The following DGKB variants were observed in gnomAD, a reference collection of about 807,000 sequenced individuals.
DGKB encodes 90 kDa diacylglycerol kinase.
In DGKB, 67 loss-of-function variants were observed where a neutral mutation model predicts 114.3. The ratio of observed to expected loss-of-function variants is 0.59; its 90% confidence interval spans 0.48 to 0.72. The LOEUF is 0.72. DGKB is among the 30% of genes least tolerant of loss of function. The pLI, the probability that DGKB is intolerant of heterozygous loss-of-function variation, is 0.00. For missense variants in DGKB, 907 were observed against 975.2 expected (o/e 0.93, Z 0.93); for synonymous variants, 398 against 323.1 (o/e 1.23, Z -2.49).
chr7:14,183,289 T>G (rs1050230388), intron 23 of DGKB, among the ~76,000 whole-genome samples: 29 of 152,340 alleles, frequency 1.9e-4, no homozygotes, highest in African/African-American at 6.3e-4. Context: ...TACTTCTAAT[T>G]GATTCTTAAT....
At chr7:14,594,958 A>G (rs945384688) in intron 17 of DGKB, among the ~76,000 whole-genome samples, 1 of 152,100 alleles carries the variant, frequency 6.6e-6, no homozygotes, top group African/African-American at 2.4e-5. Context: ...GATTCAAAAC[A>G]AGGTAGAATT....
chr7:14,442,102 A>G (rs1328346226), intron 21 of DGKB, among the ~76,000 whole-genome samples: 4 of 152,034 alleles, frequency 2.6e-5, no homozygotes, highest in African/African-American at 7.2e-5. Flanking sequence ...TTTGTAACAA[A>G]TTTAAATTTG....
At chr7:14,912,703 C>T (rs1384904388) in intron 1 of DGKB, among the ~76,000 whole-genome samples, 2 of 152,108 alleles carry the variant, frequency 1.3e-5, no homozygotes, top group African/African-American at 4.8e-5. Context: ...TAAATATTGT[C>T]GTGAAAATCT....
At chr7:14,169,000 T>C (rs1780408900) in intron 25 of DGKB, among the ~76,000 whole-genome samples, 1 of 152,040 alleles carries the variant, frequency 6.6e-6, no homozygotes, top group African/African-American at 2.4e-5. Flanking sequence ...ATTCAGGCAA[T>C]CTGACTAAAA....
At chr7:14,502,706 A>G (rs1307633371) in intron 20 of DGKB, among the ~76,000 whole-genome samples, 1 of 152,138 alleles carries the variant, frequency 6.6e-6, no homozygotes, top group African/African-American at 2.4e-5. Flanking sequence ...TAGATTATAC[A>G]TAAAGTATCT....
chr7:14,557,803 C>T (rs1296030170), intron 20 of DGKB, among the ~76,000 whole-genome samples: 1 of 150,850 alleles, frequency 6.6e-6, no homozygotes, highest in African/African-American at 2.4e-5. Context: ...TTTTTATTTC[C>T]AAATTTATTT....
rs760502542 is a variant in DGKB at position 14,209,471 on chromosome 7, A to G, written c.2123-31320T>C. The G allele has an allele frequency of 6.2e-6, 3 of 481,758 alleles. No homozygotes were observed. In the East Asian group the frequency reaches 1.9e-4, roughly 31 times the overall value. 29.8% of individuals were successfully genotyped at this position (481,758 alleles called of 1,614,324 possible). ...CACAAGGCTATTCTCTGGAGTAATG[A>G]TCTTGTCTCCTTCCAAAGGTTTTTT... On this transcript the variant is annotated intron_variant, in intron 23 of 25. Transcript: ENST00000402815.
At position 14,444,444 on chromosome 7, in the gene DGKB, C is replaced by T. The variant is rs184504802; in HGVS notation, c.1835+33717G>A. 2.2e-3 allele frequency among the ~76,000 whole-genome samples: 334 copies of T among 151,798 alleles called. 3 individuals are homozygous for T. The Middle Eastern group carries it at 0.024, about 11-fold the overall frequency. ...ATTAGAAACATTATATAATAGTTGA[C>T]AAGTGTACAGACTTTTCAGGTGGAT... On this transcript the variant is annotated intron_variant, in intron 21 of 25. Coordinates refer to ENST00000402815, the MANE Select transcript of DGKB (RefSeq NM_001350709.2).
intron 23 of DGKB, among the ~76,000 whole-genome samples, chr7:14,184,296 A>G (rs184975184): frequency 5.3e-5 from 8 of 152,298 alleles, no homozygotes; most frequent in Non-Finnish European, 1.2e-4. Flanking sequence ...CCACCTGGCT[A>G]GAACTCAGGA....
intron 13 of DGKB, among the ~76,000 whole-genome samples, chr7:14,659,090 G>A (rs1816480449): frequency 6.6e-6 from 1 of 151,726 alleles, no homozygotes; most frequent in African/African-American, 2.4e-5. Context: ...CACTCGACAG[G>A]CCCTGGTGTG....
chr7:14,645,500 C>G (rs1480920863), intron 13 of DGKB, among the ~76,000 whole-genome samples: 1 of 152,050 alleles, frequency 6.6e-6, no homozygotes, highest in Non-Finnish European at 1.5e-5. Flanking sequence ...GGTGCCCTTT[C>G]TCTCACTCAC....
At chr7:14,479,617 C>T (rs1782695410) in intron 20 of DGKB, among the ~76,000 whole-genome samples, 1 of 152,100 alleles carries the variant, frequency 6.6e-6, no homozygotes, top group Non-Finnish European at 1.5e-5. Context: ...AGATGGTTCA[C>T]TTTTATTCGT....
intron 25 of DGKB, among the ~76,000 whole-genome samples, chr7:14,150,078 A>C (rs1227354512): frequency 6.6e-6 from 1 of 152,144 alleles, no homozygotes; most frequent in Non-Finnish European, 1.5e-5. Context: ...TGTGACTTTA[A>C]GATACATTGT....
intron 1 of DGKB, among the ~76,000 whole-genome samples, chr7:14,915,122 T>C (rs894405351): frequency 6.6e-6 from 1 of 152,110 alleles, no homozygotes; most frequent in African/African-American, 2.4e-5. Flanking sequence ...ATTCCACAAT[T>C]TGGGGAGGCT....
At chr7:14,904,711 C>A (rs1258683752), upstream of DGKB, among the ~76,000 whole-genome samples, 1 of 152,090 alleles carries the variant, frequency 6.6e-6, no homozygotes. Context: ...AATTTTTTAA[C>A]GTCAAAATTC....
chr7:14,449,434 T>G (rs1324069569), intron 21 of DGKB, among the ~76,000 whole-genome samples: 1 of 151,984 alleles, frequency 6.6e-6, no homozygotes, highest in Non-Finnish European at 1.5e-5. Flanking sequence ...TGCCTGTTTG[T>G]ATCATTCGCC....
At chr7:14,153,776 C>T (rs1782573370) in intron 25 of DGKB, among the ~76,000 whole-genome samples, 1 of 151,918 alleles carries the variant, frequency 6.6e-6, no homozygotes, top group Non-Finnish European at 1.5e-5. Context: ...AGGTCACTTA[C>T]AGAAAAATAA....
intron 21 of DGKB, among the ~76,000 whole-genome samples, chr7:14,420,605 C>T (rs1826505007): frequency 6.6e-6 from 1 of 152,024 alleles, no homozygotes. Context: ...TGCTATTGTC[C>T]TAAATCTATC....
chr7:14,197,033 C>T (rs534926051), intron 23 of DGKB, among the ~76,000 whole-genome samples: 30 of 152,144 alleles, frequency 2.0e-4, no homozygotes, highest in African/African-American at 7.2e-4. Context: ...ACACTTGAAA[C>T]CCTAAGAGAG....
Sources: gnomAD v4.1 joint callset for allele counts (sites outside exome capture counted in the v4.1 genomes callset) on GRCh38, gnomAD v4.1.1 for gene constraint, MANE v1.5 for transcripts, NCBI Gene and HGNC (gene_info 2026-07-23, HGNC 2026-07-21) for gene names.